CDS2: variants seen among roughly 807,000 people sequenced by gnomAD.
The protein encoded by CDS2 is phosphatidate cytidylyltransferase 2.
In CDS2, 47 loss-of-function variants were observed where a neutral mutation model predicts 59.0. The ratio of observed to expected loss-of-function variants is 0.80; its 90% confidence interval spans 0.63 to 1.02. The LOEUF is 1.02. Ranked by LOEUF, CDS2 falls within the 50% of genes least tolerant of loss-of-function variation. CDS2 has a pLI of 0.00. For missense variants in CDS2, 356 were observed against 558.9 expected (o/e 0.64, Z 3.66); for synonymous variants, 207 against 206.4 (o/e 1.00, Z -0.02).
chr20:5,176,511 A>G (rs988751629), intron 3 of CDS2, 137 bp from the exon 4 acceptor site: 11 of 676,302 alleles, frequency 1.6e-5, no homozygotes, highest in East Asian at 1.3e-4. Context: ...GAGAGGAAGA[A>G]GGAGGGAAGC....
Position 5,195,905 on chromosome 20 carries a change from G to A in CDS2, c.*5671G>A, listed in dbSNP as rs1187494333. 1 of 152,172 alleles carries A rather than the reference G, an allele frequency of 6.6e-6. No individual in the cohort carries two copies. The highest frequency in any genetic ancestry group is 6.5e-5 in the Admixed American group (1 of 15,280). The allele number at this position is 152,172 out of a possible 1,614,324, so 9.4% of individuals were successfully genotyped here. Reference sequence around the variant, plus strand: ...CATGAATGAAGGGAGAACAGGCACAGGACTTAATGAAAAGAGTTTCTTGAA... The same window carrying A: ...CATGAATGAAGGGAGAACAGGCACAAGACTTAATGAAAAGAGTTTCTTGAA... On this transcript the variant is annotated 3_prime_UTR_variant, in exon 13 of 13. Transcript: ENST00000460006.
intron 6 of CDS2, 33 bp from the exon 7 acceptor site, chr20:5,183,028 G>A (rs374189870): frequency 9.6e-5 from 150 of 1,556,208 alleles, no homozygotes; most frequent in Non-Finnish European, 9.0e-5. Context: ...AAGGTAAACT[G>A]GTAAGTAGTG....
chr20:5,178,981 T>C, intron 5 of CDS2, 25 bp downstream of exon 5: 1 of 1,609,510 alleles, frequency 6.2e-7, no homozygotes, highest in African/African-American at 1.3e-5. Flanking sequence ...GTTCACCATT[T>C]CTTGTGTCTG....
At chr20:5,138,621 G>A (rs2090667442) in intron 1 of CDS2, among the ~76,000 whole-genome samples, 1 of 151,800 alleles carries the variant, frequency 6.6e-6, no homozygotes, top group African/African-American at 2.4e-5. Flanking sequence ...AAGTAACTGG[G>A]ATTACAGGCA....
intron 11 of CDS2, 77 bp downstream of exon 11, chr20:5,189,263 T>G: frequency 1.3e-6 from 2 of 1,541,050 alleles, no homozygotes; most frequent in Non-Finnish European, 1.8e-6. Context: ...CCCTGCCCCC[T>G]CCAAAATACT....
At chr20:5,176,931 G>A (rs941664444) in intron 4 of CDS2, among the ~76,000 whole-genome samples, 186 bp downstream of exon 4, 26 of 152,234 alleles carry the variant, frequency 1.7e-4, no homozygotes, top group African/African-American at 5.1e-4. Context: ...GAAGAAATGG[G>A]TAAGAGAATG....
At chr20:5,181,724 A>G (rs1180060478) in intron 5 of CDS2, among the ~76,000 whole-genome samples, 1 of 152,200 alleles carries the variant, frequency 6.6e-6, no homozygotes, top group Non-Finnish European at 1.5e-5. Context: ...AGCCTCCTAC[A>G]CACCTAGGCT....
rs1350095825 is a variant in CDS2, at chr20:5,175,435, T to G, written c.291+156T>G. ...TAGAACATCTGTGACTTCCCACTTC[T>G]CAGTAGCCACCTGGAGGGTCATTGG... is the stretch of plus-strand genomic sequence containing the variant. On this transcript the variant is annotated intron_variant, in intron 3 of 12. Coordinates refer to ENST00000460006, the MANE Select transcript of CDS2 (RefSeq NM_003818.4). 7 of 612,014 alleles carry G rather than the reference T, an allele frequency of 1.1e-5. No individual in the cohort carries two copies. In the African/African-American group the frequency reaches 1.3e-4, roughly 11 times the overall value. The allele number at this position is 612,014 out of a possible 1,614,324, so 37.9% of individuals were successfully genotyped here.
chr20:5,154,504 G>T (rs753292478), intron 1 of CDS2, among the ~76,000 whole-genome samples: 1 of 152,208 alleles, frequency 6.6e-6, no homozygotes, highest in Non-Finnish European at 1.5e-5. Flanking sequence ...ATAGACAAAT[G>T]TGCAGTCATT....
At chr20:5,145,059 G>A (rs1391749114) in intron 1 of CDS2, among the ~76,000 whole-genome samples, 2 of 151,954 alleles carry the variant, frequency 1.3e-5, no homozygotes, top group Admixed American at 6.6e-5. Context: ...ATGGAGTAGG[G>A]CAGAATAACC....
chr20:5,157,581 A>G (rs1215020688), intron 1 of CDS2, among the ~76,000 whole-genome samples: 1 of 152,130 alleles, frequency 6.6e-6, no homozygotes, highest in Non-Finnish European at 1.5e-5. Flanking sequence ...ACAGAAGTTT[A>G]TTTCTCATTG....
intron 9 of CDS2, 81 bp downstream of exon 9, chr20:5,185,907 A>G: frequency 7.3e-7 from 1 of 1,364,654 alleles, no homozygotes; most frequent in Non-Finnish European, 1.0e-6. Context: ...CCAGAGCTGG[A>G]GAGTGTCTTT....
At chr20:5,186,617 C>A in intron 9 of CDS2, 70 bp from the exon 10 acceptor site, 1 of 1,552,522 alleles carries the variant, frequency 6.4e-7, no homozygotes, top group Non-Finnish European at 8.8e-7. Context: ...ATGGCCAAAC[C>A]AGGTGCCTGT....
In CDS2 at chr20:5,191,793, A is replaced by G. The variant is rs1216394649; in HGVS notation, c.*1559A>G. 6.6e-6 allele frequency: 1 copy of G among 152,090 alleles called. No individual in the cohort carries two copies. The highest frequency in any genetic ancestry group is 2.4e-5 in the African/African-American group (1 of 41,390). The allele number at this position is 152,090 out of a possible 1,614,324, so 9.4% of individuals were successfully genotyped here. A position where few individuals can be genotyped will look rare whatever the true frequency, so the allele number is the denominator to read the frequency against. On this transcript the variant is annotated 3_prime_UTR_variant, in exon 13 of 13. Transcript: ENST00000460006. ...TTCTTTCCGCTGAACTTTTATTTCC[A>G]TTTCAGCCTCGTGGCTTCTCTTATT...
chr20:5,193,348 T>C lies in CDS2; in HGVS notation c.*3114T>C, dbSNP rs1209170678. 6.6e-6 allele frequency: 1 copy of C among 152,278 alleles called. No individual in the cohort carries two copies. The highest frequency in any genetic ancestry group is 1.5e-5 in the Non-Finnish European group (1 of 68,046). The allele number at this position is 152,278 out of a possible 1,614,324, so 9.4% of individuals were successfully genotyped here. On this transcript the variant is annotated 3_prime_UTR_variant, in exon 13 of 13. Coordinates refer to ENST00000460006, the MANE Select transcript of CDS2 (RefSeq NM_003818.4). Reference sequence around the variant, plus strand: ...GTACAGCCCTATAATGTATGAGAACTAGTTTCACATCCTTTGAAACTAATC... The same window carrying C: ...GTACAGCCCTATAATGTATGAGAACCAGTTTCACATCCTTTGAAACTAATC...
intron 5 of CDS2, among the ~76,000 whole-genome samples, chr20:5,180,072 G>A (rs2091022592): frequency 6.6e-6 from 1 of 152,212 alleles, no homozygotes; most frequent in Admixed American, 6.5e-5. Flanking sequence ...TCCACAGTGG[G>A]AGGTAAGGGG....
rs1001230305 is a variant in CDS2 at position 5,194,035 on chromosome 20, A to G, written c.*3801A>G. 8.5e-5 allele frequency: 13 copies of G among 152,328 alleles called. No individual in the cohort carries two copies. The highest frequency in any genetic ancestry group is 3.3e-4 in the Admixed American group (5 of 15,294). 9.4% of individuals were successfully genotyped at this position (152,328 alleles called of 1,614,324 possible). A position where few individuals can be genotyped will look rare whatever the true frequency, so the allele number is the denominator to read the frequency against. ...ATGTCCAGGTGACTTTTATGGACAC[A>G]TTGCAAGACAGTAAGCCGCGGATGG... On this transcript the variant is annotated 3_prime_UTR_variant, in exon 13 of 13. Transcript: ENST00000460006.
chr20:5,153,683 T>A (rs969744709), intron 1 of CDS2, among the ~76,000 whole-genome samples: 5 of 152,244 alleles, frequency 3.3e-5, no homozygotes, highest in African/African-American at 9.6e-5. Context: ...CTTCCTGAGA[T>A]GAGGAATGAC....
intron 1 of CDS2, among the ~76,000 whole-genome samples, chr20:5,132,320 ACTC>A (rs1425197268): frequency 6.6e-6 from 1 of 151,942 alleles, no homozygotes; most frequent in African/African-American, 2.4e-5. Flanking sequence ...CTGGTCTCAA[ACTC>A]CTGACCTCAG....
Sources: allele counts gnomAD v4.1 joint callset (sites outside exome capture counted in the v4.1 genomes callset), GRCh38; gene constraint gnomAD v4.1.1; transcripts MANE v1.5; gene names NCBI Gene and HGNC (gene_info 2026-07-23, HGNC 2026-07-21).